The following THBS1 variants were observed in gnomAD, a reference collection of about 807,000 sequenced individuals.
The protein encoded by THBS1 is thrombospondin 1, also known as thrombospondin-1.
THBS1 carries 29 observed loss-of-function variants against 126.1 expected under a neutral mutation model. The ratio of observed to expected loss-of-function variants is 0.23; its 90% CI spans 0.17 to 0.31. The LOEUF (loss-of-function observed/expected upper bound fraction) is 0.31, where lower values mean the gene tolerates loss of function less well. Among genes scored for constraint, THBS1 ranks in the 10% least tolerant of loss-of-function variants. The probability of loss-of-function intolerance (pLI) is 1.00; values close to 1 mark genes in which losing one functional copy is unlikely to be tolerated. For missense variants in THBS1, 1,198 were observed against 1,545.2 expected (o/e 0.78, Z 3.77); for synonymous variants, 496 against 577.8 (o/e 0.86, Z 2.03).
chr15:39,590,999 G>A, intron 14 of THBS1, 192 bp from the exon 15 acceptor site: 3 of 629,466 alleles, frequency 4.8e-6, no homozygotes, highest in Non-Finnish European at 8.0e-6. Context: ...CTAACCCACA[G>A]GGATCCATTT....
Position 39,582,770 on chromosome 15 carries a change from A to C in THBS1, c.627+18A>C. 6.3e-7 allele frequency: 1 copy of C among 1,587,766 alleles called. No individual in the cohort carries two copies. Among genetic ancestry groups the C allele is most frequent in the African/African-American group, 1.3e-5 (1 of 74,704 alleles). On this transcript the variant is annotated intron_variant, in intron 3 of 21. Transcript: ENST00000260356. ...ATTTCCAGGTGAGGCTTCTTCTCTGAGCCCTGCTCCGTGGGATCATCTGCT... is the reference window on the plus strand; with the variant it reads ...ATTTCCAGGTGAGGCTTCTTCTCTGCGCCCTGCTCCGTGGGATCATCTGCT...
At chr15:39,584,948 T>G (rs756518002) in intron 6 of THBS1, among the ~76,000 whole-genome samples, 1 of 152,252 alleles carries the variant, frequency 6.6e-6, no homozygotes, top group Non-Finnish European at 1.5e-5. Context: ...GCTTATCTAT[T>G]AATAGCAAAG....
chr15:39,595,567 C>T lies in THBS1; in HGVS notation c.*198C>T, dbSNP rs1398921944. ...TTCAAAAACAGACTCAGCATTCAGC[C>T]TCCAATGAATAAGACATCTTCCAAG... On this transcript the variant is annotated 3_prime_UTR_variant, in exon 22 of 22. Coordinates refer to ENST00000260356, the MANE Select transcript of THBS1 (RefSeq NM_003246.4). 4.7e-6 allele frequency: 3 copies of T among 645,146 alleles called. No individual in the cohort carries two copies. Among genetic ancestry groups the T allele is most frequent in the Non-Finnish European group, 8.1e-6 (3 of 368,542 alleles). The allele number at this position is 645,146 out of a possible 1,614,324, so 40.0% of individuals were successfully genotyped here.
chr15:39,597,280 G>GTTTTTTTTTTTTT lies in THBS1; in HGVS notation c.*1920_*1932dup. The GTTTTTTTTTTTTT allele has an allele frequency of 3.3e-4, 16 of 48,042 alleles. No individual in the cohort carries two copies. The highest frequency in any genetic ancestry group is 9.1e-4 in the South Asian group (1 of 1,104). The allele number at this position is 48,042 out of a possible 1,614,324, so 3.0% of individuals were successfully genotyped here. A position where few individuals can be genotyped will look rare whatever the true frequency, so the allele number is the denominator to read the frequency against. The stretch of plus-strand genomic sequence containing the variant: ...GTTGGTTTTTTCTTTTTTTTGTTTT[G>GTTTTTTTTTTTTT]TTTTTTTTTTTTTTTTTTTTTGCTT... On this transcript the variant is annotated 3_prime_UTR_variant, in exon 22 of 22. Coordinates refer to ENST00000260356, the MANE Select transcript of THBS1 (RefSeq NM_003246.4).
At chr15:39,588,451 G>A in intron 9 of THBS1, 75 bp from the exon 10 acceptor site, 8 of 1,495,448 alleles carry the variant, frequency 5.3e-6, no homozygotes, top group South Asian at 4.1e-5. Context: ...TCTTGAACGG[G>A]CTTAGGAGAG....
At chr15:39,588,327 C>A in intron 9 of THBS1, 109 bp downstream of exon 9, 1 of 1,390,742 alleles carries the variant, frequency 7.2e-7, no homozygotes, top group Non-Finnish European at 9.6e-7. Flanking sequence ...GGAAGGTTAC[C>A]TACTAGAGAA....
intron 10 of THBS1, 71 bp downstream of exon 10, chr15:39,588,770 C>G: frequency 6.4e-7 from 1 of 1,553,890 alleles, no homozygotes; most frequent in East Asian, 2.3e-5. Context: ...AGTCAGCATT[C>G]GAGGAGATTC....
chr15:39,588,674 C>A lies in THBS1; in HGVS notation c.1620C>A (p.Ile540=). The change falls in exon 10 of 22, where the codon ATC becomes ATA. Residue 540 remains isoleucine, a synonymous_variant. Transcript: ENST00000260356. ...DCVGDVTENQ[I]CNKQDCPIDG... ...TTGGTGATGTAACAGAAAACCAGAT[C>A]TGCAACAAGCAGGACTGTCCAATTG... 6.3e-7 allele frequency: 1 copy of A among 1,595,344 alleles called. No individual in the cohort carries two copies.
In THBS1 at chr15:39,589,027, TGTG is replaced by T. The variant is rs762172109; in HGVS notation, c.1718_1720del (p.Gly573del). The T allele has an allele frequency of 2.4e-5, 39 of 1,614,032 alleles. No individual in the cohort carries two copies. The highest frequency in any genetic ancestry group is 3.3e-5 in the Non-Finnish European group (39 of 1,180,046). On this transcript the variant is annotated inframe_deletion, in exon 11 of 22. Transcript: ENST00000260356. This position sits in a 1 kb window ranked among gnomAD's most constrained non-coding sequence, Gnocchi z 4.7. ...TAGCTACCCTGATGGCAGCTGGAAA[TGTG>T]GTGCTTGTCCCCCTGGTTACAGTGG...
Position 39,588,113 on chromosome 15 carries a change from A to C in THBS1, c.1366A>C (p.Ile456Leu). 1 of 1,614,188 alleles carries C rather than the reference A, an allele frequency of 6.2e-7. No individual in the cohort carries two copies. Among genetic ancestry groups the C allele is most frequent in the Non-Finnish European group, 8.5e-7 (1 of 1,180,014 alleles). The change falls in exon 9 of 22, where the codon ATC (isoleucine) becomes CTC (leucine). Residue 456 changes from isoleucine (I) to leucine (L), a missense_variant. Ile to Leu is a conservative substitution (Grantham distance 5, BLOSUM62 2). Coordinates refer to ENST00000260356, the MANE Select transcript of THBS1 (RefSeq NM_003246.4). ...TTCTGTGACATGTGGTGATGGTGTG[A>C]TCACAAGGATCCGGCTCTGCAACTC... is the stretch of plus-strand genomic sequence containing the variant. ...SCSVTCGDGVITRIRLCNSPS... is the reference protein window; with the variant it reads ...SCSVTCGDGVLTRIRLCNSPS...
At position 39,585,582 on chromosome 15, in the gene THBS1, A is replaced by G; in HGVS notation, c.1120+19A>G. The G allele has an allele frequency of 6.2e-7, 1 of 1,610,356 alleles. No individual in the cohort carries two copies. Among genetic ancestry groups the G allele is most frequent in the Non-Finnish European group, 8.5e-7 (1 of 1,177,566 alleles). On this transcript the variant is annotated intron_variant, in intron 7 of 21. Coordinates refer to ENST00000260356, the MANE Select transcript of THBS1 (RefSeq NM_003246.4). ...TGTTGGCGTAAGTTTCTCAAATGGC[A>G]TAGCTATTCTTCAGTGACTAGGTCA...
rs778612797 is a variant in THBS1 at position 39,593,191 on chromosome 15, G to T, written c.2959G>T (p.Val987Phe). ...TGTACGCCATCAGGGTAAAGAACTCGTCCAGACTGTCAACTGTGATCCTGG... is the reference window on the plus strand; with the variant it reads ...TGTACGCCATCAGGGTAAAGAACTCTTCCAGACTGTCAACTGTGATCCTGG... ...WVVRHQGKEL[V>F]QTVNCDPGLA... is the part of the protein sequence containing the mutation. The change falls in exon 18 of 22, where the codon GTC becomes TTC. Residue 987 changes from valine to phenylalanine, a missense_variant. Physicochemically the swap from Val to Phe is conservative, Grantham distance 50. Around this residue, in one of 4 missense-constraint regions of THBS1, gnomAD observed 255 missense variants for 373.9 expected, o/e 0.68. Transcript: ENST00000260356. This position sits in a 1 kb window ranked among gnomAD's most constrained non-coding sequence, Gnocchi z 5.9. The T allele has an allele frequency of 1.2e-6, 2 of 1,613,662 alleles. No homozygotes were observed. The highest frequency in any genetic ancestry group is 3.3e-5 in the Admixed American group (2 of 59,978).
chr15:39,593,923 TTA>T lies in THBS1; in HGVS notation c.3268-172_3268-171del. Reference sequence around the variant, plus strand: ...CCTCCTTCCCTCCTCTCTGTCTGCTTTATATGTGTGCTCAGTGGCACACAACA... The same window carrying T: ...CCTCCTTCCCTCCTCTCTGTCTGCTTTATGTGTGCTCAGTGGCACACAACA... On this transcript the variant is annotated intron_variant, in intron 19 of 21. Transcript: ENST00000260356. This position sits in a 1 kb window ranked among gnomAD's most constrained non-coding sequence, Gnocchi z 5.9. 4.6e-6 allele frequency: 4 copies of T among 871,694 alleles called. No individual in the cohort carries two copies. In the South Asian group the frequency reaches 7.4e-5, roughly 16 times the overall value. 54.0% of individuals were successfully genotyped at this position (871,694 alleles called of 1,614,324 possible).
rs986918957 is a variant in THBS1 at position 39,592,828 on chromosome 15, G to C, written c.2767+26G>C. 3 of 1,600,006 alleles carry C rather than the reference G, an allele frequency of 1.9e-6. No homozygotes were observed. The highest frequency in any genetic ancestry group is 1.7e-6 in the Non-Finnish European group (2 of 1,171,056). Reference sequence around the variant, plus strand: ...GTGAGTCATGGGAGCCACTTTCTAAGACAGGGACTGCTGGCACAGCTGTGT... The same window carrying C: ...GTGAGTCATGGGAGCCACTTTCTAACACAGGGACTGCTGGCACAGCTGTGT... On this transcript the variant is annotated intron_variant, in intron 17 of 21. Coordinates refer to ENST00000260356, the MANE Select transcript of THBS1 (RefSeq NM_003246.4). This position sits in a 1 kb window ranked among gnomAD's most constrained non-coding sequence, Gnocchi z 4.3.
Position 39,597,711 on chromosome 15 carries a change from A to G in THBS1, c.*2342A>G, listed in dbSNP as rs187471537. 2 of 152,360 alleles carry G rather than the reference A, an allele frequency of 1.3e-5. No homozygotes were observed. Among genetic ancestry groups the G allele is most frequent in the Non-Finnish European group, 1.5e-5 (1 of 68,040 alleles). 9.4% of individuals were successfully genotyped at this position (152,360 alleles called of 1,614,324 possible). On this transcript the variant is annotated 3_prime_UTR_variant, in exon 22 of 22. Transcript: ENST00000260356. ...CTGCCATATCAAAAACATATAAAAGAGAAATTATCCCTAAGTCAAGGGCCC... is the reference window on the plus strand; with the variant it reads ...CTGCCATATCAAAAACATATAAAAGGGAAATTATCCCTAAGTCAAGGGCCC...
chr15:39,590,763 G>C, intron 14 of THBS1, 140 bp downstream of exon 14: 2 of 712,692 alleles, frequency 2.8e-6, no homozygotes, highest in South Asian at 1.7e-5. Flanking sequence ...TATTCATTGT[G>C]TTCCAGTAGT....
rs1890192680 is a variant in THBS1 at position 39,585,483 on chromosome 15, T to C, written c.1040T>C (p.Ile347Thr). ...TECHCQNSVT[I>T]CKKVSCPIMP... ...CTTGCCCTGCAGAACTCAGTTACCA[T>C]CTGCAAAAAGGTGTCCTGCCCCATC... The change falls in exon 7 of 22, where the codon ATC becomes ACC. Residue 347 changes from isoleucine (I) to threonine (T), a missense_variant. This residue lies in a region of THBS1 where 663 missense variants were observed against 860.1 expected (regional missense o/e 0.77). Coordinates refer to ENST00000260356, the MANE Select transcript of THBS1 (RefSeq NM_003246.4). The C allele has an allele frequency of 6.2e-7, 1 of 1,614,156 alleles. No individual in the cohort carries two copies.
rs1890419110 is a variant in THBS1 at position 39,595,492 on chromosome 15, C to T, written c.*123C>T. The T allele has an allele frequency of 1.5e-6, 2 of 1,330,180 alleles. No individual in the cohort carries two copies. Among genetic ancestry groups the T allele is most frequent in the Non-Finnish European group, 2.0e-6 (2 of 988,174 alleles). 82.4% of individuals were successfully genotyped at this position (1,330,180 alleles called of 1,614,324 possible). On this transcript the variant is annotated 3_prime_UTR_variant, in exon 22 of 22. Transcript: ENST00000260356. ...TTGGCTTCCTTCTTTTCTGTGCTTG[C>T]ATCAGTGTGGACTCCTAGAACGTGC...
Position 39,594,708 on chromosome 15 carries a change from A to G in THBS1, c.3505+268A>G, listed in dbSNP as rs1890398881. Among the ~76,000 whole-genome samples, 2 of 152,230 alleles carry G rather than the reference A, an allele frequency of 1.3e-5. No individual in the cohort carries two copies. Among genetic ancestry groups the G allele is most frequent in the Non-Finnish European group, 2.9e-5 (2 of 68,034 alleles). ...AAAGGTAAGCTGCAGAAAAGCTCCT[A>G]TATAATTTGGACTTCATTAATAATA... is the stretch of plus-strand genomic sequence containing the variant. On this transcript the variant is annotated intron_variant, in intron 21 of 21. Transcript: ENST00000260356. This position sits in a 1 kb window ranked among gnomAD's most constrained non-coding sequence, Gnocchi z 4.4.
Sources: gnomAD v4.1 joint callset for allele counts (sites outside exome capture counted in the v4.1 genomes callset) on GRCh38, gnomAD v4.1.1 for gene constraint, gnomAD v4.1.1 regional missense constraint, Gnocchi (gnomAD v3.1) non-coding constraint, MANE v1.5 for transcripts, NCBI Gene and HGNC (gene_info 2026-07-23, HGNC 2026-07-21) for gene names.